FCRL6: variants seen among roughly 807,000 people sequenced by gnomAD.
FCRL6 encodes the protein Fc receptor like 6.
A neutral mutation model predicts 49.1 loss-of-function variants in FCRL6; 50 were observed. That is an observed-to-expected ratio of 1.02 (90% confidence interval 0.81 to 1.29). FCRL6 has a LOEUF of 1.29. Among genes scored for constraint, FCRL6 ranks in the 50% most tolerant of loss-of-function variants. The pLI is 0.00. For synonymous variants in FCRL6, 213 were observed against 199.6 expected, an observed-to-expected ratio of 1.07 and a Z score of -0.57; for missense variants, 571 against 518.5, an observed-to-expected ratio of 1.10 and a Z score of -0.98.
At chr1:159,811,637 G>A (rs75978343) in intron 6 of FCRL6, among the ~76,000 whole-genome samples, 7,207 of 152,220 alleles carry the variant, frequency 0.047, 289 homozygotes, top group East Asian at 0.092. Flanking sequence ...CTCCCCTTTT[G>A]AATATGTAGT....
At chr1:159,802,183 C>T (rs1012005410), upstream of FCRL6, 10 of 455,098 alleles carry the variant, frequency 2.2e-5, no homozygotes, top group South Asian at 8.9e-5. Flanking sequence ...AGTGATTTAC[C>T]GACTCCTTCA....
Position 159,815,826 on chromosome 1 carries a change from T to C in FCRL6, c.*165T>C. The C allele has an allele frequency of 1.3e-6, 1 of 766,586 alleles. No individual in the cohort carries two copies. Among genetic ancestry groups the C allele is most frequent in the Non-Finnish European group, 2.0e-6 (1 of 489,980 alleles). 47.5% of individuals were successfully genotyped at this position (766,586 alleles called of 1,614,324 possible). A position where few individuals can be genotyped will look rare whatever the true frequency, so the allele number is the denominator to read the frequency against. On this transcript the variant is annotated 3_prime_UTR_variant, in exon 10 of 10. Transcript: ENST00000368106. ...TCAGGAGCACCTGAACCCTGGGTTCTTTTCTTAGCAGAAGACCAACCAATG... is the reference window on the plus strand; with the variant it reads ...TCAGGAGCACCTGAACCCTGGGTTCCTTTCTTAGCAGAAGACCAACCAATG...
chr1:159,808,728 G>A (rs1403297403), intron 3 of FCRL6: 3 of 606,120 alleles, frequency 4.9e-6, no homozygotes, highest in East Asian at 5.5e-5. Flanking sequence ...TGGACTAGAG[G>A]ACTTCGAAGG....
Position 159,815,665 on chromosome 1 carries a change from T to A in FCRL6, c.*4T>A. The A allele has an allele frequency of 2.5e-6, 4 of 1,614,010 alleles. No individual in the cohort carries two copies. Among genetic ancestry groups the A allele is most frequent in the Non-Finnish European group, 3.4e-6 (4 of 1,179,994 alleles). On this transcript the variant is annotated 3_prime_UTR_variant, in exon 10 of 10. Transcript: ENST00000368106. ...CTGTGAGGAGGTTCTCTGCTAGTGA[T>A]GGTGTTCTCCTATCAACACACGCCC...
intron 1 of FCRL6, among the ~76,000 whole-genome samples, chr1:159,806,017 C>T (rs1021331448): frequency 6.6e-6 from 1 of 152,208 alleles, no homozygotes; most frequent in African/African-American, 2.4e-5. Context: ...CAGATGCTTA[C>T]TGAACACAGA....
intron 1 of FCRL6, among the ~76,000 whole-genome samples, chr1:159,803,469 C>T (rs924029691): frequency 6.6e-6 from 1 of 152,180 alleles, no homozygotes; most frequent in African/African-American, 2.4e-5. Context: ...GCCCCTTCCA[C>T]TCAATGTTCC....
chr1:159,809,574 C>A lies in FCRL6; in HGVS notation c.777C>A (p.Thr259=), dbSNP rs1437188781. The change falls in exon 5 of 10, where the codon ACC becomes ACA. Residue 259 remains threonine (T), a synonymous_variant. Coordinates refer to ENST00000368106, the MANE Select transcript of FCRL6 (RefSeq NM_001004310.3). ...GNHSAPCGGT[T]SLLFPVKSEQ... ...ACTCAGCTCCCTGTGGTGGAACCAC[C>A]TCCCTCCTCTTCCCAGTGAAGTCAG... 1 of 1,614,190 alleles carries A rather than the reference C, an allele frequency of 6.2e-7. No homozygotes were observed. Among genetic ancestry groups the A allele is most frequent in the Non-Finnish European group, 8.5e-7 (1 of 1,180,006 alleles).
intron 2 of FCRL6, 146 bp downstream of exon 2, chr1:159,806,762 G>T (rs900262971): frequency 1.2e-6 from 1 of 842,134 alleles, no homozygotes; most frequent in Non-Finnish European, 2.0e-6. Flanking sequence ...GTCTTGGCCA[G>T]TTCCTAGGAA....
At chr1:159,803,424 C>G (rs1376391388) in intron 1 of FCRL6, among the ~76,000 whole-genome samples, 2 of 152,208 alleles carry the variant, frequency 1.3e-5, no homozygotes, top group Non-Finnish European at 2.9e-5. Flanking sequence ...TCTTCCTGGA[C>G]AGAGTTTGTG....
intron 6 of FCRL6, among the ~76,000 whole-genome samples, chr1:159,813,156 G>A (rs1048642239): frequency 6.6e-6 from 1 of 152,192 alleles, no homozygotes; most frequent in African/African-American, 2.4e-5. Flanking sequence ...CCCAGTGTCT[G>A]GCATATAGTG....
chr1:159,809,793 G>A, intron 5 of FCRL6, 110 bp downstream of exon 5: 1 of 963,252 alleles, frequency 1.0e-6, no homozygotes, highest in Non-Finnish European at 1.6e-6. Flanking sequence ...ACTCATGGCA[G>A]CCACTGCATG....
At chr1:159,802,759 T>A (rs1166612957) in intron 1 of FCRL6, among the ~76,000 whole-genome samples, 1 of 152,214 alleles carries the variant, frequency 6.6e-6, no homozygotes, top group African/African-American at 2.4e-5. Context: ...CATTTCTACC[T>A]TGTGACATCA....
chr1:159,808,951 A>G lies in FCRL6; in HGVS notation c.320-10A>G. ...CTCCCCTCCTGAGTCCTGGGCCTGC[A>G]TCTCCCCAGAGCTGTTTCCACCTCC... is the stretch of plus-strand genomic sequence containing the variant. On this transcript the variant is annotated splice_polypyrimidine_tract_variant and intron_variant, in intron 3 of 9. Coordinates refer to ENST00000368106, the MANE Select transcript of FCRL6 (RefSeq NM_001004310.3). 6.3e-7 allele frequency: 1 copy of G among 1,583,384 alleles called. No homozygotes were observed. The highest frequency in any genetic ancestry group is 1.4e-5 in the African/African-American group (1 of 74,012).
upstream of FCRL6, among the ~76,000 whole-genome samples, chr1:159,801,616 C>A (rs1193578984): frequency 6.6e-6 from 1 of 152,112 alleles, no homozygotes; most frequent in African/African-American, 2.4e-5. Flanking sequence ...AGTACCTATC[C>A]AATTATTTTT....
At chr1:159,806,517 A>C (rs1434037165) in intron 1 of FCRL6, 79 bp from the exon 2 acceptor site, 6 of 1,308,222 alleles carry the variant, frequency 4.6e-6, no homozygotes, top group Non-Finnish European at 2.2e-6. Flanking sequence ...GTAAGTCCCC[A>C]TTGCTGAAGT....
chr1:159,803,973 C>T (rs200327382), intron 1 of FCRL6, among the ~76,000 whole-genome samples: 2 of 152,102 alleles, frequency 1.3e-5, no homozygotes, highest in African/African-American at 2.4e-5. Context: ...GTCAGGGCTC[C>T]GGGAGGAAAG....
chr1:159,814,313 C>G (rs532372493), intron 8 of FCRL6, 21 bp downstream of exon 8: 11 of 1,606,840 alleles, frequency 6.8e-6, no homozygotes, highest in Middle Eastern at 3.3e-4. Flanking sequence ...TCAGGCCAAA[C>G]TTGGTACCTT....
Position 159,815,634 on chromosome 1 carries a change from T to G in FCRL6, c.1278T>G (p.Leu426=). ...GAAGCAGGACTCTCCAAGAACCCCT[T>G]AGCGACTGTGAGGAGGTTCTCTGCT... ...NMRSRTLQEP[L]SDCEEVLC Residue 426 remains leucine, a synonymous_variant, in exon 10 of 10, where the codon CTT becomes CTG. Coordinates refer to ENST00000368106, the MANE Select transcript of FCRL6 (RefSeq NM_001004310.3). The G allele has an allele frequency of 6.2e-7, 1 of 1,614,174 alleles. No homozygotes were observed. The highest frequency in any genetic ancestry group is 8.5e-7 in the Non-Finnish European group (1 of 1,180,030).
At chr1:159,814,627 CCT>C (rs1337960886) in intron 8 of FCRL6, among the ~76,000 whole-genome samples, 1 of 152,056 alleles carries the variant, frequency 6.6e-6, no homozygotes, top group Non-Finnish European at 1.5e-5. Context: ...AGTTTTTTGC[CCT>C]TTCCTGAACA....
Sources: gnomAD v4.1 joint callset for allele counts (sites outside exome capture counted in the v4.1 genomes callset) on GRCh38, gnomAD v4.1.1 for gene constraint, MANE v1.5 for transcripts, NCBI Gene and HGNC (gene_info 2026-07-23, HGNC 2026-07-21) for gene names.